The following CRACDL variants were observed in gnomAD, a reference collection of about 807,000 sequenced individuals.
The protein encoded by CRACDL is CRACD-like protein.
A neutral mutation model predicts 70.6 loss-of-function variants in CRACDL; 26 were observed. The observed-to-expected ratio is 0.37, with a 90% CI of 0.27 to 0.51. The LOEUF (loss-of-function observed/expected upper bound fraction) is 0.51, where lower values mean the gene tolerates loss of function less well. CRACDL is among the 20% of genes least tolerant of loss of function. The pLI is 0.94. For missense variants in CRACDL, 1,283 were observed against 1,376.9 expected (o/e 0.93, Z 1.08); for synonymous variants, 618 against 615.2 (o/e 1.00, Z -0.07).
Position 98,846,829 on chromosome 2 carries a change from T to A in CRACDL, c.-10-19A>T, listed in dbSNP as rs780009541. 7.5e-6 allele frequency: 12 copies of A among 1,600,930 alleles called. No homozygotes were observed. The highest frequency in any genetic ancestry group is 1.0e-5 in the Non-Finnish European group (12 of 1,168,110). ...AAGCTCGCTGAAATTATATGGAAAT[T>A]CACGTTAAAGAAACATGGTTAGCAG... On this transcript the variant is annotated intron_variant, in intron 1 of 9. Coordinates refer to ENST00000397899, the MANE Select transcript of CRACDL (RefSeq NM_207362.3).
intron 1 of CRACDL, among the ~76,000 whole-genome samples, chr2:98,876,449 C>A (rs1707490775): frequency 6.6e-6 from 1 of 152,134 alleles, no homozygotes; most frequent in South Asian, 2.1e-4. Context: ...CCTCTGAACT[C>A]CACCTCCTGT....
At chr2:98,830,743 G>T (rs1373539726) in intron 5 of CRACDL, among the ~76,000 whole-genome samples, 1 of 152,102 alleles carries the variant, frequency 6.6e-6, no homozygotes, top group Non-Finnish European at 1.5e-5. Context: ...AGTCAGGCTG[G>T]CCCAGCCGAG....
chr2:98,902,203 T>G (rs1573174806), intron 1 of CRACDL, among the ~76,000 whole-genome samples: 1 of 152,248 alleles, frequency 6.6e-6, no homozygotes, highest in Non-Finnish European at 1.5e-5. Context: ...ATGTCATCAA[T>G]GAAAGGAGGC....
chr2:98,821,527 C>G (rs1420791760), intron 7 of CRACDL, among the ~76,000 whole-genome samples: 1 of 152,114 alleles, frequency 6.6e-6, no homozygotes, highest in African/African-American at 2.4e-5. Flanking sequence ...TTCCCTGGGC[C>G]ACACTGGAAG....
chr2:98,882,668 C>T (rs1175632918), intron 1 of CRACDL, among the ~76,000 whole-genome samples: 1 of 152,162 alleles, frequency 6.6e-6, no homozygotes, highest in East Asian at 1.9e-4. Flanking sequence ...CCAAACAAGC[C>T]TCATCTGCAA....
At chr2:98,933,465 C>T (rs754728820) in intron 1 of CRACDL, among the ~76,000 whole-genome samples, 2 of 152,142 alleles carry the variant, frequency 1.3e-5, no homozygotes, top group African/African-American at 4.8e-5. Context: ...CAGAACCATG[C>T]ACTGGGAACT....
intron 1 of CRACDL, among the ~76,000 whole-genome samples, chr2:98,853,048 A>C (rs1316139716): frequency 8.6e-6 from 1 of 116,578 alleles, no homozygotes; most frequent in Non-Finnish European, 1.8e-5. Context: ...GGAAGGGGAA[A>C]GGGAAGGGGG....
chr2:98,814,202 G>T, intron 7 of CRACDL, among the ~76,000 whole-genome samples: 1 of 150,616 alleles, frequency 6.6e-6, no homozygotes. Context: ...TTTCCTTCTT[G>T]CTTTGAGTTT....
At chr2:98,849,579 G>A (rs191297729) in intron 1 of CRACDL, among the ~76,000 whole-genome samples, 3 of 151,964 alleles carry the variant, frequency 2.0e-5, no homozygotes, top group East Asian at 3.9e-4. Flanking sequence ...GGCCGGGGAG[G>A]GGGGAGCATG....
intron 1 of CRACDL, among the ~76,000 whole-genome samples, chr2:98,920,116 G>A (rs184545432): frequency 6.6e-6 from 1 of 152,130 alleles, no homozygotes; most frequent in East Asian, 1.9e-4. Context: ...TCTGGCTAGG[G>A]GTTGCATTAA....
chr2:98,831,288 T>G (rs1399532600), intron 5 of CRACDL, among the ~76,000 whole-genome samples: 1 of 152,198 alleles, frequency 6.6e-6, no homozygotes, highest in Non-Finnish European at 1.5e-5. Flanking sequence ...CACAGTCCTT[T>G]TGCCTTTTTC....
At position 98,822,548 on chromosome 2, in the gene CRACDL, C is replaced by G. The variant is rs1198252817; in HGVS notation, c.1725G>C (p.Ser575=). The part of the protein sequence containing the change: ...GAELRGAKKF[S]VSSCRARPRP... The stretch of plus-strand genomic sequence containing the variant: ...GAGGCCGCGCTCGGCACGAGGACAC[C>G]GAGAACTTCTTCGCGCCTCGCAGCT... Residue 575 remains serine, a synonymous_variant, in exon 7 of 10, where the codon TCG becomes TCC. Coordinates refer to ENST00000397899, the MANE Select transcript of CRACDL (RefSeq NM_207362.3). This position sits in a 1 kb window ranked among gnomAD's most constrained non-coding sequence, Gnocchi z 4.9. 16 of 1,468,758 alleles carry G rather than the reference C, an allele frequency of 1.1e-5. No homozygotes were observed. Among genetic ancestry groups the G allele is most frequent in the Admixed American group, 2.5e-5 (1 of 40,648 alleles). 91.0% of individuals were successfully genotyped at this position (1,468,758 alleles called of 1,614,324 possible). A position where few individuals can be genotyped will look rare whatever the true frequency, so the allele number is the denominator to read the frequency against.
At chr2:98,845,742 A>C (rs571714304) in intron 2 of CRACDL, among the ~76,000 whole-genome samples, 2 of 152,356 alleles carry the variant, frequency 1.3e-5, no homozygotes, top group East Asian at 3.9e-4. Flanking sequence ...TACAATAAGT[A>C]ATAATTCAGT....
rs184059770 is a variant in CRACDL, at chr2:98,815,958, G to A, written c.2416+5899C>T. 3.6e-3 allele frequency among the ~76,000 whole-genome samples: 555 copies of A among 152,330 alleles called. 8 individuals are homozygous for A. The highest frequency in any genetic ancestry group is 0.017 in the Middle Eastern group (5 of 294). On this transcript the variant is annotated intron_variant, in intron 7 of 9. Transcript: ENST00000397899. Reference sequence around the variant, plus strand: ...AACTCCATCCTGCAGGGATGCTGCCGCCAAGAGGGATTTGCTGCTTAGTTG... The same window carrying A: ...AACTCCATCCTGCAGGGATGCTGCCACCAAGAGGGATTTGCTGCTTAGTTG...
intron 1 of CRACDL, among the ~76,000 whole-genome samples, chr2:98,886,282 T>A (rs1011748081): frequency 1.3e-5 from 2 of 152,238 alleles, no homozygotes; most frequent in African/African-American, 4.8e-5. Context: ...AGTCACCCAG[T>A]GTGAAAAGCC....
In CRACDL at chr2:98,822,339, G is replaced by A. The variant is rs1038590192; in HGVS notation, c.1934C>T (p.Ala645Val). The part of the protein sequence containing the change: ...RGPQDSGDRA[A>V]SPAGPRKSPQ... Reference sequence around the variant, plus strand: ...GCTCTTGCGCGGCCCGGCCGGGCTGGCCGCCCTGTCCCCCGAGTCCTGAGG... The same window carrying A: ...GCTCTTGCGCGGCCCGGCCGGGCTGACCGCCCTGTCCCCCGAGTCCTGAGG... Residue 645 changes from alanine to valine, a missense_variant, in exon 7 of 10, where the codon GCC becomes GTC. Ala to Val is a moderately conservative substitution (Grantham distance 64, BLOSUM62 0). Coordinates refer to ENST00000397899, the MANE Select transcript of CRACDL (RefSeq NM_207362.3). This position sits in a 1 kb window ranked among gnomAD's most constrained non-coding sequence, Gnocchi z 4.9. The A allele has an allele frequency of 1.4e-6, 2 of 1,458,736 alleles. No individual in the cohort carries two copies. The highest frequency in any genetic ancestry group is 1.8e-6 in the Non-Finnish European group (2 of 1,117,056). The allele number at this position is 1,458,736 out of a possible 1,614,324, so 90.4% of individuals were successfully genotyped here. A position where few individuals can be genotyped will look rare whatever the true frequency, so the allele number is the denominator to read the frequency against.
intron 7 of CRACDL, among the ~76,000 whole-genome samples, chr2:98,803,481 C>A (rs943039695): frequency 2.6e-5 from 4 of 152,138 alleles, no homozygotes; most frequent in South Asian, 2.1e-4. Context: ...CATAACATTT[C>A]TTTCTTGTTC....
intron 1 of CRACDL, among the ~76,000 whole-genome samples, chr2:98,879,691 G>T (rs1473676960): frequency 6.6e-6 from 1 of 152,136 alleles, no homozygotes; most frequent in Non-Finnish European, 1.5e-5. Flanking sequence ...TGTCCCAGGT[G>T]CACACTGCCG....
rs1705107909 is a variant in CRACDL, at chr2:98,822,546, A to G, written c.1727T>C (p.Val576Ala). 6.8e-7 allele frequency: 1 copy of G among 1,467,968 alleles called. No individual in the cohort carries two copies. The highest frequency in any genetic ancestry group is 1.5e-5 in the African/African-American group (1 of 67,808). The allele number at this position is 1,467,968 out of a possible 1,614,324, so 90.9% of individuals were successfully genotyped here. Reference sequence around the variant, plus strand: ...ACGAGGCCGCGCTCGGCACGAGGACACCGAGAACTTCTTCGCGCCTCGCAG... The same window carrying G: ...ACGAGGCCGCGCTCGGCACGAGGACGCCGAGAACTTCTTCGCGCCTCGCAG... ...AELRGAKKFSVSSCRARPRPG... is the reference protein window; with the variant it reads ...AELRGAKKFSASSCRARPRPG... The change falls in exon 7 of 10, where the codon GTG (valine) becomes GCG (alanine). Residue 576 changes from valine (V) to alanine (A), a missense_variant. Around this residue, in one of 2 missense-constraint regions of CRACDL, gnomAD observed 921 missense variants for 881.9 expected, o/e 1.04. Transcript: ENST00000397899. This position sits in a 1 kb window ranked among gnomAD's most constrained non-coding sequence, Gnocchi z 4.9.
Sources: allele counts gnomAD v4.1 joint callset (sites outside exome capture counted in the v4.1 genomes callset), GRCh38; gene constraint gnomAD v4.1.1; regional missense constraint gnomAD v4.1.1; non-coding constraint Gnocchi (gnomAD v3.1); transcripts MANE v1.5; gene names NCBI Gene and HGNC (gene_info 2026-07-23, HGNC 2026-07-21).